STXBP4: variants seen among roughly 807,000 people sequenced by gnomAD.
The protein encoded by STXBP4 is syntaxin-binding protein 4.
STXBP4 carries 55 observed loss-of-function variants against 76.1 expected under a neutral mutation model. The observed-to-expected ratio is 0.72, with a 90% confidence interval of 0.58 to 0.91. The LOEUF (loss-of-function observed/expected upper bound fraction) is 0.91, where lower values mean the gene tolerates loss of function less well. STXBP4 is among the 40% of genes least tolerant of loss of function. The pLI is 0.00. For synonymous variants in STXBP4, 201 were observed against 220.2 expected, an observed-to-expected ratio of 0.91 and a Z score of 0.77; for missense variants, 618 against 636.9, an observed-to-expected ratio of 0.97 and a Z score of 0.32.
intron 9 of STXBP4, among the ~76,000 whole-genome samples, chr17:55,032,407 T>C (rs2078525166): frequency 6.6e-6 from 1 of 151,940 alleles, no homozygotes; most frequent in South Asian, 2.1e-4. Context: ...GTGAGGAAAG[T>C]AAATTTGTGA....
Position 55,086,658 on chromosome 17 carries a change from T to C in STXBP4, c.1489+5475T>C, listed in dbSNP as rs2079336103. Among the ~76,000 whole-genome samples, 5 of 152,250 alleles carry C rather than the reference T, an allele frequency of 3.3e-5. No individual in the cohort carries two copies. In the South Asian group the frequency reaches 1.0e-3, roughly 32 times the overall value. On this transcript the variant is annotated intron_variant, in intron 16 of 17. Coordinates refer to ENST00000376352, the MANE Select transcript of STXBP4 (RefSeq NM_178509.6). Reference sequence around the variant, plus strand: ...ACGCACACATACCACATTTTCCTTATCCATTCGTCTGTTGTTGCACACTAA... The same window carrying C: ...ACGCACACATACCACATTTTCCTTACCCATTCGTCTGTTGTTGCACACTAA...
chr17:55,019,222 C>T lies in STXBP4; in HGVS notation c.666+11625C>T, dbSNP rs997018664. On this transcript the variant is annotated intron_variant, in intron 8 of 17. Transcript: ENST00000376352. ...CCTTTTTTTATCACTTATTTTATTCCGCCTTTTTATTGTATTCTTTTGGTT... is the reference window on the plus strand; with the variant it reads ...CCTTTTTTTATCACTTATTTTATTCTGCCTTTTTATTGTATTCTTTTGGTT... Among the ~76,000 whole-genome samples, 20 of 151,098 alleles carry T rather than the reference C, an allele frequency of 1.3e-4. No homozygotes were observed. In the East Asian group the frequency reaches 2.1e-3, roughly 16 times the overall value.
At chr17:55,082,496 C>T (rs939058644) in intron 16 of STXBP4, among the ~76,000 whole-genome samples, 7 of 151,896 alleles carry the variant, frequency 4.6e-5, no homozygotes, top group Non-Finnish European at 8.8e-5. Flanking sequence ...GATTTTTTAC[C>T]ACCATAAATA....
At chr17:55,102,100 A>G (rs1345190464) in intron 16 of STXBP4, among the ~76,000 whole-genome samples, 1 of 151,080 alleles carries the variant, frequency 6.6e-6, no homozygotes. Context: ...GGTACATTGT[A>G]TCTCGTTACT....
At chr17:55,158,852 A>T (rs551078755) in intron 17 of STXBP4, among the ~76,000 whole-genome samples, 1 of 152,374 alleles carries the variant, frequency 6.6e-6, no homozygotes, top group South Asian at 2.1e-4. Context: ...TTAATAAGAG[A>T]TAAGACCATG....
At chr17:54,992,453 C>A (rs897942009) in intron 4 of STXBP4, among the ~76,000 whole-genome samples, 1 of 150,538 alleles carries the variant, frequency 6.6e-6, no homozygotes, top group Non-Finnish European at 1.5e-5. Context: ...AGTTTAATGG[C>A]ATAAATTTTT....
At chr17:55,063,611 G>T (rs2079018335) in intron 12 of STXBP4, among the ~76,000 whole-genome samples, 1 of 152,154 alleles carries the variant, frequency 6.6e-6, no homozygotes, top group African/African-American at 2.4e-5. Context: ...GCTTTATATG[G>T]AGTCATTGTG....
chr17:55,042,819 G>C (rs1039314559), intron 10 of STXBP4, among the ~76,000 whole-genome samples: 1 of 151,974 alleles, frequency 6.6e-6, no homozygotes, highest in African/African-American at 2.4e-5. Flanking sequence ...TACTTTACTA[G>C]GCTCATGTAA....
intron 17 of STXBP4, among the ~76,000 whole-genome samples, chr17:55,149,761 C>G (rs886092098): frequency 2.6e-5 from 4 of 152,116 alleles, no homozygotes; most frequent in African/African-American, 7.2e-5. Context: ...ACAGCTTGCT[C>G]AGGATTTTCT....
At chr17:55,178,111 G>A (rs2628310), downstream of STXBP4, among the ~76,000 whole-genome samples, 125,493 of 152,238 alleles carry the variant, frequency 0.82, 52,039 homozygotes, top group Middle Eastern at 0.88. Flanking sequence ...TTCAGATGTT[G>A]GTGATATATC....
chr17:55,040,457 TA>T (rs1488868071), intron 10 of STXBP4, among the ~76,000 whole-genome samples: 1 of 152,168 alleles, frequency 6.6e-6, no homozygotes, highest in Non-Finnish European at 1.5e-5. Context: ...GCCTTATCAA[TA>T]AAATTAGACT....
intron 16 of STXBP4, among the ~76,000 whole-genome samples, chr17:55,111,794 T>C (rs1243306774): frequency 6.6e-6 from 1 of 152,202 alleles, no homozygotes; most frequent in African/African-American, 2.4e-5. Flanking sequence ...GCCTCAGGTA[T>C]TCCTTTATAG....
intron 16 of STXBP4, among the ~76,000 whole-genome samples, chr17:55,111,692 TC>T (rs1459025956): frequency 2.6e-5 from 4 of 152,136 alleles, no homozygotes; most frequent in African/African-American, 9.7e-5. Context: ...CCCTGAGGCC[TC>T]CCCAGAAGCC....
intron 16 of STXBP4, among the ~76,000 whole-genome samples, chr17:55,097,362 G>GT (rs1158030171): frequency 5.9e-5 from 9 of 152,150 alleles, no homozygotes; most frequent in African/African-American, 2.2e-4. Flanking sequence ...AGTAACATTT[G>GT]TAAAAAATTG....
intron 16 of STXBP4, among the ~76,000 whole-genome samples, chr17:55,084,440 T>A (rs1228952091): frequency 5.3e-5 from 8 of 152,058 alleles, no homozygotes; most frequent in East Asian, 1.9e-4. Context: ...TTGCCTGTTC[T>A]TTCTGATGGT....
At chr17:55,182,042 C>T in the STXBP4 span, among the ~76,000 whole-genome samples, 7 of 152,264 alleles carry the variant, frequency 4.6e-5, no homozygotes, top group Non-Finnish European at 7.4e-5. Flanking sequence ...GATTCTAGTG[C>T]CCCTACTTAT....
At chr17:55,119,598 G>T (rs1428598647) in intron 16 of STXBP4, among the ~76,000 whole-genome samples, 1 of 151,996 alleles carries the variant, frequency 6.6e-6, no homozygotes, top group Non-Finnish European at 1.5e-5. Context: ...AGTCAACAAA[G>T]ACAAGACTTT....
chr17:55,151,415 CTGA>C (rs2080216348), intron 17 of STXBP4, among the ~76,000 whole-genome samples: 1 of 152,196 alleles, frequency 6.6e-6, no homozygotes, highest in Admixed American at 6.5e-5. Flanking sequence ...AAATGCTTTC[CTGA>C]TGTAAAGTCT....
chr17:55,036,511 C>G (rs556263371), intron 10 of STXBP4, among the ~76,000 whole-genome samples: 1 of 151,542 alleles, frequency 6.6e-6, no homozygotes, highest in East Asian at 1.9e-4. Flanking sequence ...TACCTTATAT[C>G]TTACAACCTT....
Sources: allele counts gnomAD v4.1 joint callset (sites outside exome capture counted in the v4.1 genomes callset), GRCh38; gene constraint gnomAD v4.1.1; transcripts MANE v1.5; gene names NCBI Gene and HGNC (gene_info 2026-07-23, HGNC 2026-07-21).